The following PCDHA6 variants were observed in gnomAD, a reference collection of about 807,000 sequenced individuals.
PCDHA6 encodes protocadherin alpha-6.
PCDHA6 carries 55 observed loss-of-function variants against 60.3 expected under a neutral mutation model. The ratio of observed to expected loss-of-function variants is 0.91; its 90% CI spans 0.73 to 1.14. The LOEUF (loss-of-function observed/expected upper bound fraction) is 1.14. Ranked by LOEUF, PCDHA6 falls within the 50% of genes most tolerant of loss-of-function variation. The pLI, the probability that PCDHA6 is intolerant of heterozygous loss-of-function variation, is 0.00. For missense variants in PCDHA6, 1,327 were observed against 1,256.5 expected, an observed-to-expected ratio of 1.06 and a Z score of -0.85; for synonymous variants, 652 against 557.9, an observed-to-expected ratio of 1.17 and a Z score of -2.38.
intron 1 of PCDHA6, chr5:140,875,973 T>C (rs782725100): frequency 6.2e-7 from 1 of 1,614,042 alleles, no homozygotes; most frequent in Non-Finnish European, 8.5e-7. Context: ...TAAACTCTCT[T>C]TTGACCTATG....
At chr5:140,840,258 A>T (rs1776629657) in intron 1 of PCDHA6, among the ~76,000 whole-genome samples, 1 of 151,990 alleles carries the variant, frequency 6.6e-6, no homozygotes, top group South Asian at 2.1e-4. Context: ...AAAAATTGTG[A>T]TTTTTTAATG....
chr5:140,950,855 T>C (rs2094525829), intron 1 of PCDHA6, among the ~76,000 whole-genome samples: 2 of 152,102 alleles, frequency 1.3e-5, no homozygotes, highest in African/African-American at 4.8e-5. Context: ...TTCTTTCATA[T>C]TCTTGTATAT....
At chr5:140,999,244 G>A (rs1554256717) in intron 3 of PCDHA6, among the ~76,000 whole-genome samples, 1 of 152,210 alleles carries the variant, frequency 6.6e-6, no homozygotes, top group African/African-American at 2.4e-5. Flanking sequence ...GTTAAAGTGG[G>A]AGTTGGATTA....
chr5:140,893,862 C>T (rs1376548113), intron 1 of PCDHA6, among the ~76,000 whole-genome samples: 1 of 152,158 alleles, frequency 6.6e-6, no homozygotes, highest in East Asian at 1.9e-4. Flanking sequence ...TGTATAGAAA[C>T]AACCCAGATC....
intron 2 of PCDHA6, among the ~76,000 whole-genome samples, chr5:140,981,395 G>A (rs928966988): frequency 5.2e-4 from 79 of 152,210 alleles, no homozygotes; most frequent in African/African-American, 1.9e-3. Context: ...TCAATATGGT[G>A]AAAACCTGTC....
intron 1 of PCDHA6, chr5:140,967,116 G>A: frequency 1.2e-6 from 2 of 1,612,922 alleles, no homozygotes; most frequent in Non-Finnish European, 1.7e-6. Context: ...CGGCCTCGCT[G>A]CCTGCTCAGC....
At chr5:140,967,589 T>C (rs782348275) in intron 1 of PCDHA6, 20 of 1,613,912 alleles carry the variant, frequency 1.2e-5, no homozygotes, top group African/African-American at 1.2e-4. Context: ...CCCAGGCACA[T>C]TGGTGGTGAA....
At chr5:140,832,467 A>T (rs1308124277) in intron 1 of PCDHA6, among the ~76,000 whole-genome samples, 3 of 152,222 alleles carry the variant, frequency 2.0e-5, no homozygotes, top group Admixed American at 6.5e-5. Flanking sequence ...ACTAAAATTT[A>T]AAAAAACTAA....
In PCDHA6 at chr5:140,856,431, A is replaced by G. The variant is rs782173275; in HGVS notation, c.2394+25946A>G. 21 of 1,597,862 alleles carry G rather than the reference A, an allele frequency of 1.3e-5. 4 individuals are homozygous for G. In the South Asian group the frequency reaches 2.2e-4, roughly 17 times the overall value. On this transcript the variant is annotated intron_variant, in intron 1 of 3. Transcript: ENST00000529310. ...GTGGAAGTGAAGGACATTAACGACA[A>G]CCCGCCCAGGTTCTCCGTAACAGAA...
intron 1 of PCDHA6, chr5:140,842,737 C>T: frequency 6.3e-7 from 1 of 1,595,052 alleles, no homozygotes; most frequent in Non-Finnish European, 8.6e-7. Context: ...CGCCGGGCTG[C>T]CACATCTTCA....
intron 1 of PCDHA6, among the ~76,000 whole-genome samples, chr5:140,912,582 T>C (rs2075986919): frequency 6.6e-6 from 1 of 152,214 alleles, no homozygotes. Context: ...TTTTCCAATT[T>C]GGATGCCCTT....
chr5:140,870,666 G>T (rs782557554), intron 1 of PCDHA6: 1 of 1,612,662 alleles, frequency 6.2e-7, no homozygotes, highest in Admixed American at 1.7e-5. Context: ...CGCTGCAGCC[G>T]TTGGACCACG....
chr5:140,931,047 C>G (rs969815598), intron 1 of PCDHA6, among the ~76,000 whole-genome samples: 5 of 152,166 alleles, frequency 3.3e-5, no homozygotes, highest in African/African-American at 9.6e-5. Context: ...AGAAAAACTT[C>G]AATGCTGTGT....
chr5:140,954,537 T>C (rs2095052425), intron 1 of PCDHA6, among the ~76,000 whole-genome samples: 1 of 152,268 alleles, frequency 6.6e-6, no homozygotes, highest in Non-Finnish European at 1.5e-5. Flanking sequence ...TTGAGGTTTT[T>C]TTCATATGTT....
intron 1 of PCDHA6, chr5:140,861,740 T>C (rs1443034121): frequency 1.3e-5 from 2 of 159,082 alleles, no homozygotes; most frequent in Non-Finnish European, 2.7e-5. Flanking sequence ...TTACATACTG[T>C]GCCGCAATGA....
chr5:140,927,796 C>T, intron 1 of PCDHA6: 1 of 1,614,202 alleles, frequency 6.2e-7, no homozygotes, highest in South Asian at 1.1e-5. Context: ...ACTAGGTCCG[C>T]CTGAAACGCT....
At chr5:140,850,822 T>C (rs2150499747) in intron 1 of PCDHA6, 4 of 1,598,166 alleles carry the variant, frequency 2.5e-6, no homozygotes, top group Non-Finnish European at 3.4e-6. Flanking sequence ...AGCCCGGGCC[T>C]TTCTCCTTGT....
chr5:141,006,843 T>A (rs2098291274), intron 3 of PCDHA6, among the ~76,000 whole-genome samples: 1 of 152,154 alleles, frequency 6.6e-6, no homozygotes, highest in Non-Finnish European at 1.5e-5. Context: ...TTACTGAAAC[T>A]GGAAAGATTT....
At chr5:140,860,243 C>G (rs189216184) in intron 1 of PCDHA6, 1 of 151,206 alleles carries the variant, frequency 6.6e-6, no homozygotes, top group Non-Finnish European at 1.5e-5. Context: ...CATGGTGGTA[C>G]ATGCCTTTAG....
Sources: gnomAD v4.1 joint callset for allele counts (sites outside exome capture counted in the v4.1 genomes callset) on GRCh38, gnomAD v4.1.1 for gene constraint, MANE v1.5 for transcripts, NCBI Gene and HGNC (gene_info 2026-07-23, HGNC 2026-07-21) for gene names.